FSHR: variants seen among roughly 807,000 people sequenced by gnomAD.
FSHR encodes the protein follicle stimulating hormone receptor.
In FSHR, 46 loss-of-function variants were observed where a neutral mutation model predicts 52.1. The ratio of observed to expected loss-of-function variants is 0.88; its 90% CI spans 0.70 to 1.13. FSHR has a LOEUF of 1.13. FSHR is among the 50% of genes most tolerant of loss of function. FSHR has a pLI of 0.00. For synonymous variants in FSHR, 399 were observed against 309.6 expected (o/e 1.29, Z -3.03); for missense variants, 964 against 834.6 (o/e 1.16, Z -1.91).
intron 2 of FSHR, among the ~76,000 whole-genome samples, chr2:49,047,311 T>C (rs1668698097): frequency 2.6e-5 from 4 of 152,218 alleles, no homozygotes; most frequent in South Asian, 2.1e-4. Flanking sequence ...ATAAAAGGAG[T>C]ACATTTTAAA....
chr2:49,083,162 CAAGCCAG>C (rs1558431128), intron 1 of FSHR, among the ~76,000 whole-genome samples: 1 of 151,864 alleles, frequency 6.6e-6, no homozygotes, highest in Non-Finnish European at 1.5e-5. Context: ...AGAAACTCTA[CAAGCCAG>C]AAGAGAGTGG....
chr2:49,033,802 T>A (rs1290333766), intron 2 of FSHR, among the ~76,000 whole-genome samples: 1 of 152,002 alleles, frequency 6.6e-6, no homozygotes, highest in Non-Finnish European at 1.5e-5. Flanking sequence ...TACATTTTAA[T>A]AGGGAGCAAA....
At chr2:48,986,358 G>C (rs1008651030) in intron 6 of FSHR, among the ~76,000 whole-genome samples, 1 of 144,742 alleles carries the variant, frequency 6.9e-6, no homozygotes, top group Non-Finnish European at 1.5e-5. Context: ...GCTATCCATA[G>C]AATACTTCAA....
chr2:49,069,258 G>T (rs1669637618), intron 1 of FSHR, among the ~76,000 whole-genome samples: 1 of 151,998 alleles, frequency 6.6e-6, no homozygotes, highest in African/African-American at 2.4e-5. Context: ...AAAATTCCTC[G>T]GACAAGCCAG....
At chr2:49,123,892 G>C (rs1347615863) in intron 1 of FSHR, among the ~76,000 whole-genome samples, 1 of 152,164 alleles carries the variant, frequency 6.6e-6, no homozygotes, top group South Asian at 2.1e-4. Flanking sequence ...TGTGGCTTAA[G>C]TCTGTAGCTG....
chr2:49,022,586 A>T (rs1208938004), intron 2 of FSHR, among the ~76,000 whole-genome samples: 1 of 151,972 alleles, frequency 6.6e-6, no homozygotes, highest in Non-Finnish European at 1.5e-5. Flanking sequence ...CATGCTTGTG[A>T]GGTTGGTATT....
intron 1 of FSHR, among the ~76,000 whole-genome samples, chr2:49,132,154 G>A (rs944188733): frequency 2.6e-5 from 4 of 152,164 alleles, no homozygotes; most frequent in African/African-American, 9.7e-5. Flanking sequence ...GTTGCCTGTA[G>A]TTACATGTTC....
At chr2:49,115,569 T>C (rs1223473164) in intron 1 of FSHR, among the ~76,000 whole-genome samples, 1 of 152,118 alleles carries the variant, frequency 6.6e-6, no homozygotes, top group Non-Finnish European at 1.5e-5. Flanking sequence ...GTGGCTTATT[T>C]TAGGTAATTT....
At chr2:49,083,370 G>T (rs535204938) in intron 1 of FSHR, among the ~76,000 whole-genome samples, 1 of 151,258 alleles carries the variant, frequency 6.6e-6, no homozygotes, top group African/African-American at 2.4e-5. Context: ...AGGAACAACC[G>T]GTACCAGCCA....
At chr2:49,134,708 A>G (rs895875089) in intron 1 of FSHR, among the ~76,000 whole-genome samples, 2 of 152,258 alleles carry the variant, frequency 1.3e-5, no homozygotes, top group African/African-American at 2.4e-5. Context: ...AATGTGACAC[A>G]TATACACCAT....
At chr2:49,149,475 C>T (rs917677884) in intron 1 of FSHR, among the ~76,000 whole-genome samples, 2 of 152,044 alleles carry the variant, frequency 1.3e-5, no homozygotes, top group Admixed American at 6.6e-5. Context: ...ATCCTGATGG[C>T]TGGGGTTGGA....
intron 1 of FSHR, among the ~76,000 whole-genome samples, chr2:49,105,376 G>A (rs1671186537): frequency 6.6e-6 from 1 of 151,994 alleles, no homozygotes; most frequent in African/African-American, 2.4e-5. Context: ...TTTCTCCTGA[G>A]CCTGGATACC....
chr2:48,975,868 C>G (rs141137270), intron 8 of FSHR, among the ~76,000 whole-genome samples: 1 of 152,156 alleles, frequency 6.6e-6, no homozygotes, highest in Non-Finnish European at 1.5e-5. Context: ...AGTTGCTTAT[C>G]AGCTTAAGGA....
intron 1 of FSHR, among the ~76,000 whole-genome samples, chr2:49,149,845 A>T (rs138661880): frequency 6.6e-6 from 1 of 152,212 alleles, no homozygotes; most frequent in East Asian, 1.9e-4. Flanking sequence ...AGAGATTGCA[A>T]TGAGATATGG....
intron 4 of FSHR, among the ~76,000 whole-genome samples, chr2:48,993,964 C>G (rs898289180): frequency 6.6e-6 from 1 of 152,128 alleles, no homozygotes; most frequent in African/African-American, 2.4e-5. Context: ...TTTAGCACTC[C>G]TCAAAACTCT....
intron 1 of FSHR, among the ~76,000 whole-genome samples, chr2:49,089,061 C>T (rs1166091172): frequency 6.8e-6 from 1 of 146,650 alleles, no homozygotes; most frequent in South Asian, 2.1e-4. Flanking sequence ...AGACTTAGTG[C>T]TCAGAATGCA....
At chr2:49,074,754 C>T (rs1255811837) in intron 1 of FSHR, among the ~76,000 whole-genome samples, 2 of 151,010 alleles carry the variant, frequency 1.3e-5, no homozygotes, top group Admixed American at 6.6e-5. Context: ...ACTCCAATAG[C>T]TAAGGTATGG....
intron 2 of FSHR, among the ~76,000 whole-genome samples, chr2:49,052,058 A>G (rs1428019721): frequency 6.6e-6 from 1 of 152,188 alleles, no homozygotes; most frequent in Non-Finnish European, 1.5e-5. Flanking sequence ...AAACAAAGAA[A>G]CGACAAGAAA....
At chr2:49,078,217 G>A (rs1040071927) in intron 1 of FSHR, among the ~76,000 whole-genome samples, 2 of 152,208 alleles carry the variant, frequency 1.3e-5, no homozygotes, top group African/African-American at 2.4e-5. Flanking sequence ...GCAAGGAGGA[G>A]CAAGTCACAT....
Sources: allele counts gnomAD v4.1 joint callset (sites outside exome capture counted in the v4.1 genomes callset), GRCh38; gene constraint gnomAD v4.1.1; transcripts MANE v1.5; gene names NCBI Gene and HGNC (gene_info 2026-07-23, HGNC 2026-07-21).